Variants in FAM131C observed in about 807,000 individuals in gnomAD.
FAM131C encodes family with sequence similarity 131 member C.
Under a neutral mutation model 29.8 loss-of-function variants are expected in FAM131C, and 14 were observed. The observed-to-expected ratio is 0.47, with a 90% CI of 0.31 to 0.73. The LOEUF (loss-of-function observed/expected upper bound fraction) is 0.73. Ranked by LOEUF, FAM131C falls within the 30% of genes least tolerant of loss-of-function variation. The pLI is 0.05. For missense variants in FAM131C, 252 were observed against 383.8 expected (o/e 0.66, Z 2.87); for synonymous variants, 86 against 157.8 (o/e 0.54, Z 3.41).
At chr1:16,069,335 C>T (rs1382714289) in intron 1 of FAM131C, among the ~76,000 whole-genome samples, 1 of 152,244 alleles carries the variant, frequency 6.6e-6, no homozygotes, top group Non-Finnish European at 1.5e-5. Flanking sequence ...TCCCACCTAC[C>T]CTTTCCTCAG....
chr1:16,057,972 C>T lies in FAM131C; in HGVS notation c.*465G>A, dbSNP rs536428970. On this transcript the variant is annotated 3_prime_UTR_variant, in exon 7 of 7. Coordinates refer to ENST00000375662, the MANE Select transcript of FAM131C (RefSeq NM_182623.3). Reference sequence around the variant, plus strand: ...GAGCCGGGGAGCAGGTGCTTAGCTACCAGAAGTGGTCACCCCACCTTTGCT... The same window carrying T: ...GAGCCGGGGAGCAGGTGCTTAGCTATCAGAAGTGGTCACCCCACCTTTGCT... The T allele has an allele frequency of 5.6e-3, 890 of 160,178 alleles. No individual in the cohort carries two copies. Among genetic ancestry groups the T allele is most frequent in the African/African-American group, 0.02 (840 of 41,528 alleles). The allele number at this position is 160,178 out of a possible 1,614,324, so 9.9% of individuals were successfully genotyped here. A position where few individuals can be genotyped will look rare whatever the true frequency, so the allele number is the denominator to read the frequency against.
chr1:16,071,258 A>G (rs2023746054), intron 1 of FAM131C, among the ~76,000 whole-genome samples: 1 of 152,232 alleles, frequency 6.6e-6, no homozygotes. Flanking sequence ...GCTGGCTGTG[A>G]GTGCAGAGAC....
At chr1:16,061,081 G>C (rs2023587176) in intron 4 of FAM131C, among the ~76,000 whole-genome samples, 1 of 152,258 alleles carries the variant, frequency 6.6e-6, no homozygotes, top group South Asian at 2.1e-4. Context: ...GGTCCCCGAA[G>C]CCATAATGTG....
At chr1:16,064,557 G>T (rs1203803340) in intron 1 of FAM131C, among the ~76,000 whole-genome samples, 1 of 152,098 alleles carries the variant, frequency 6.6e-6, no homozygotes, top group East Asian at 1.9e-4. Flanking sequence ...CATATGCTGC[G>T]ATGTGTCTTG....
Position 16,058,492 on chromosome 1 carries a change from A to G in FAM131C, c.788T>C (p.Leu263Pro). Residue 263 changes from leucine to proline, a missense_variant, in exon 7 of 7, where the codon CTC (leucine) becomes CCC (proline). Around this residue, in one of 6 missense-constraint regions of FAM131C, gnomAD observed 42 missense variants for 51.7 expected, o/e 0.81. Transcript: ENST00000375662. ...GAGGGAGCCGCTGTCCATGGAGGGG[A>G]GGGAGCCCGGGGGGTGGGTCCCACC... Reference protein sequence around the residue: ...PEGGTHPPGSLPSMDSGSLWE... With the variant: ...PEGGTHPPGSPPSMDSGSLWE... The G allele has an allele frequency of 6.6e-7, 1 of 1,504,416 alleles. No individual in the cohort carries two copies. The highest frequency in any genetic ancestry group is 1.3e-5 in the South Asian group (1 of 75,620). 93.2% of individuals were successfully genotyped at this position (1,504,416 alleles called of 1,614,324 possible).
At chr1:16,067,063 G>A (rs2023692049) in intron 1 of FAM131C, among the ~76,000 whole-genome samples, 1 of 152,230 alleles carries the variant, frequency 6.6e-6, no homozygotes, top group Admixed American at 6.5e-5. Context: ...GCCAAAGCCT[G>A]GCAGAGGCAT....
chr1:16,062,392 C>CCG (rs1234582835), intron 3 of FAM131C, 107 bp downstream of exon 3: 2 of 1,291,288 alleles, frequency 1.5e-6, no homozygotes, highest in Non-Finnish European at 2.1e-6. Flanking sequence ...CCCCCCCCCC[C>CCG]CCGCCCCAGG....
At chr1:16,064,626 C>T (rs147543822) in intron 1 of FAM131C, among the ~76,000 whole-genome samples, 1 of 152,322 alleles carries the variant, frequency 6.6e-6, no homozygotes, top group East Asian at 1.9e-4. Context: ...TGGGTGGGGC[C>T]GTCAGCATCC....
Position 16,058,521 on chromosome 1 carries a change from G to C in FAM131C, c.759C>G (p.Pro253=), listed in dbSNP as rs868232184. The C allele has an allele frequency of 2.4e-5, 37 of 1,519,900 alleles. No homozygotes were observed. The highest frequency in any genetic ancestry group is 3.0e-5 in the Non-Finnish European group (34 of 1,134,842). 94.2% of individuals were successfully genotyped at this position (1,519,900 alleles called of 1,614,324 possible). Residue 253 remains proline, a synonymous_variant, in exon 7 of 7, where the codon CCC becomes CCG. Transcript: ENST00000375662. ...HRRRLPGAQG[P]EGGTHPPGSL... ...AGCCCGGGGGGTGGGTCCCACCCTC[G>C]GGTCCTTGGGCCCCGGGCAGCCGCC...
chr1:16,062,288 G>C, intron 3 of FAM131C, 96 bp from the exon 4 acceptor site: 2 of 1,365,330 alleles, frequency 1.5e-6, no homozygotes, highest in Non-Finnish European at 2.0e-6. Flanking sequence ...CAGCTCACCA[G>C]GTCCTCTGGC....
At chr1:16,059,400 C>T (rs1259426587) in intron 6 of FAM131C, 94 bp downstream of exon 6, 5 of 1,513,922 alleles carry the variant, frequency 3.3e-6, no homozygotes, top group East Asian at 2.4e-5. Flanking sequence ...AAGGAAGGGG[C>T]TTGGCCGAGG....
chr1:16,073,391 A>G (rs2124139272), intron 1 of FAM131C, 30 bp downstream of exon 1: 1 of 1,182,282 alleles, frequency 8.5e-7, no homozygotes. Flanking sequence ...CCGGCACCCG[A>G]TCCCCCCGCC....
At chr1:16,066,586 G>A (rs1167720594) in intron 1 of FAM131C, among the ~76,000 whole-genome samples, 2 of 152,208 alleles carry the variant, frequency 1.3e-5, no homozygotes, top group African/African-American at 4.8e-5. Context: ...AGTGGGTCAT[G>A]CAGCCGTTTA....
chr1:16,071,834 G>A (rs2023753245), intron 1 of FAM131C, among the ~76,000 whole-genome samples: 2 of 152,160 alleles, frequency 1.3e-5, no homozygotes, highest in Non-Finnish European at 2.9e-5. Flanking sequence ...CTTCCTCCCC[G>A]GCCTCTGTCC....
At chr1:16,058,760 C>T (rs1257146694) in intron 6 of FAM131C, 43 bp from the exon 7 acceptor site, 1 of 1,444,432 alleles carries the variant, frequency 6.9e-7, no homozygotes, top group Non-Finnish European at 9.3e-7. Context: ...GTCCCAGATC[C>T]AGCTCCTCGC....
chr1:16,067,673 G>A (rs1381635091), intron 1 of FAM131C, among the ~76,000 whole-genome samples: 1 of 152,128 alleles, frequency 6.6e-6, no homozygotes, highest in African/African-American at 2.4e-5. Context: ...GCCTTCCTAT[G>A]CCAGCTCCTC....
intron 1 of FAM131C, among the ~76,000 whole-genome samples, chr1:16,066,336 CACCCATG>C (rs1460893261): frequency 1.3e-5 from 2 of 152,238 alleles, no homozygotes; most frequent in African/African-American, 4.8e-5. Context: ...TTGACCACCC[CACCCATG>C]ACCCAGGCAG....
At chr1:16,062,578 T>G (rs1302766955) in intron 2 of FAM131C, 44 bp from the exon 3 acceptor site, 2 of 1,550,824 alleles carry the variant, frequency 1.3e-6, no homozygotes, top group Admixed American at 4.0e-5. Context: ...CCTGGCACGC[T>G]GTGCCAGCAG....
chr1:16,061,868 C>T (rs934072634), intron 4 of FAM131C, among the ~76,000 whole-genome samples: 11 of 151,700 alleles, frequency 7.3e-5, no homozygotes, highest in Admixed American at 7.2e-4. Flanking sequence ...CTGCCCCACC[C>T]CCTCAGAGCT....
Sources: gnomAD v4.1 joint callset for allele counts (sites outside exome capture counted in the v4.1 genomes callset) on GRCh38, gnomAD v4.1.1 for gene constraint, gnomAD v4.1.1 regional missense constraint, MANE v1.5 for transcripts, NCBI Gene and HGNC (gene_info 2026-07-23, HGNC 2026-07-21) for gene names.